TRIQK: variants seen among roughly 807,000 people sequenced by gnomAD.
TRIQK encodes triple QxxK/R motif containing.
TRIQK carries 10 observed loss-of-function variants against 10.8 expected under a neutral mutation model. The observed-to-expected ratio is 0.92, with a 90% confidence interval of 0.57 to 1.57. TRIQK has a LOEUF of 1.57. Among genes scored for constraint, TRIQK ranks in the 40% most tolerant of loss-of-function variants. The pLI is 0.00. For synonymous variants in TRIQK, 33 were observed against 33.7 expected (o/e 0.98, Z 0.07); for missense variants, 107 against 97.7 (o/e 1.09, Z -0.40).
chr8:92,926,897 C>T (rs758234380), intron 2 of TRIQK, among the ~76,000 whole-genome samples: 3 of 151,980 alleles, frequency 2.0e-5, no homozygotes, highest in Admixed American at 1.3e-4. Flanking sequence ...CTAAAGAAAA[C>T]AGGATTAACT....
At chr8:92,932,130 C>A (rs550789984) in intron 2 of TRIQK, among the ~76,000 whole-genome samples, 3 of 152,056 alleles carry the variant, frequency 2.0e-5, no homozygotes, top group Non-Finnish European at 4.4e-5. Context: ...TTCTTCTTTA[C>A]CTCTTTCATT....
At chr8:92,906,538 A>G (rs919774090) in intron 3 of TRIQK, among the ~76,000 whole-genome samples, 1 of 152,116 alleles carries the variant, frequency 6.6e-6, no homozygotes, top group Non-Finnish European at 1.5e-5. Context: ...AGAACTGAGA[A>G]TGATAGCCTG....
intron 3 of TRIQK, among the ~76,000 whole-genome samples, chr8:92,911,993 ATAG>A (rs1186371488): frequency 4.0e-5 from 6 of 150,950 alleles, no homozygotes; most frequent in African/African-American, 1.5e-4. Flanking sequence ...CAATACCATA[ATAG>A]TAGTCAAAAA....
intron 1 of TRIQK, among the ~76,000 whole-genome samples, chr8:92,998,993 A>G (rs1172024339): frequency 6.6e-6 from 1 of 152,138 alleles, no homozygotes; most frequent in Non-Finnish European, 1.5e-5. Flanking sequence ...TAGGACTATC[A>G]GATTCTAAGT....
At chr8:92,917,913 A>T (rs1809955477) in intron 2 of TRIQK, among the ~76,000 whole-genome samples, 1 of 151,930 alleles carries the variant, frequency 6.6e-6, no homozygotes. Flanking sequence ...GGTAGCCATT[A>T]TTCTACTCTC....
At chr8:92,906,901 A>C (rs1809296094) in intron 3 of TRIQK, among the ~76,000 whole-genome samples, 1 of 151,700 alleles carries the variant, frequency 6.6e-6, no homozygotes, top group Non-Finnish European at 1.5e-5. Context: ...TCAAAAAGAA[A>C]AAAAAAAAAA....
chr8:92,990,353 T>C (rs1813083884), intron 1 of TRIQK, among the ~76,000 whole-genome samples: 2 of 152,216 alleles, frequency 1.3e-5, no homozygotes, highest in East Asian at 1.9e-4. Flanking sequence ...CCTTTTTCAT[T>C]TCCTGTGTTT....
intron 4 of TRIQK, among the ~76,000 whole-genome samples, chr8:92,890,485 TAA>T (rs1816705571): frequency 6.6e-6 from 1 of 151,782 alleles, no homozygotes; most frequent in African/African-American, 2.4e-5. Context: ...ACAGTGTTTT[TAA>T]AAAGACACTA....
chr8:92,912,485 AC>A (rs1411615050), intron 3 of TRIQK, among the ~76,000 whole-genome samples: 2 of 151,936 alleles, frequency 1.3e-5, no homozygotes, highest in African/African-American at 4.8e-5. Flanking sequence ...ATCTCAAATA[AC>A]CTAACTTTAT....
intron 3 of TRIQK, among the ~76,000 whole-genome samples, chr8:92,896,439 G>T (rs1044473219): frequency 6.6e-6 from 1 of 152,170 alleles, no homozygotes; most frequent in Non-Finnish European, 1.5e-5. Context: ...CCTGACTAGG[G>T]CAATGCCTAG....
chr8:92,997,165 T>C (rs896816786), intron 1 of TRIQK, among the ~76,000 whole-genome samples: 4 of 151,988 alleles, frequency 2.6e-5, no homozygotes, highest in African/African-American at 9.7e-5. Flanking sequence ...GAATTAATGA[T>C]TGGGTAGAGA....
At chr8:93,007,916 T>G (rs911996165) in intron 1 of TRIQK, among the ~76,000 whole-genome samples, 15 of 152,084 alleles carry the variant, frequency 9.9e-5, no homozygotes, top group African/African-American at 2.9e-4. Flanking sequence ...ATAGACTGGA[T>G]AAAGAAAGTG....
chr8:92,950,594 T>C (rs916306254), intron 2 of TRIQK, among the ~76,000 whole-genome samples: 3 of 152,158 alleles, frequency 2.0e-5, no homozygotes, highest in African/African-American at 7.2e-5. Flanking sequence ...ATCCACTACA[T>C]GCATTGTGCA....
intron 1 of TRIQK, among the ~76,000 whole-genome samples, chr8:93,002,589 A>T (rs934360297): frequency 6.6e-6 from 1 of 152,196 alleles, no homozygotes. Context: ...ACCAATAATG[A>T]ATGAAGAAAT....
intron 1 of TRIQK, among the ~76,000 whole-genome samples, chr8:92,961,781 T>C (rs1812469285): frequency 6.6e-6 from 1 of 152,214 alleles, no homozygotes; most frequent in Non-Finnish European, 1.5e-5. Flanking sequence ...TTTTAAATTG[T>C]TCAATACAAT....
rs1012382940 is a variant in TRIQK at position 92,886,446 on chromosome 8, T to C, written c.*176A>G. ...ATCCAGTAGCACATACTATACTGCA[T>C]TGCTAGGTAAGGTTCTTTTCCTGAC... On this transcript the variant is annotated 3_prime_UTR_variant, in exon 5 of 5. Coordinates refer to ENST00000521988, the MANE Select transcript of TRIQK (RefSeq NM_001171797.2). 2.0e-6 allele frequency: 1 copy of C among 507,352 alleles called. No homozygotes were observed. The allele number at this position is 507,352 out of a possible 1,614,324, so 31.4% of individuals were successfully genotyped here.
At chr8:92,890,855 A>G (rs1050129369) in intron 4 of TRIQK, among the ~76,000 whole-genome samples, 7 of 151,978 alleles carry the variant, frequency 4.6e-5, no homozygotes, top group Non-Finnish European at 2.9e-5. Flanking sequence ...AGCCAAATGT[A>G]AAATTTAAAA....
chr8:93,016,963 G>A (rs76884940), intron 1 of TRIQK, among the ~76,000 whole-genome samples: 2,466 of 152,182 alleles, frequency 0.016, 68 homozygotes, highest in African/African-American at 0.055. Context: ...ATATTAGTAT[G>A]GATAGAACTT....
chr8:92,981,886 TTAAC>T (rs2130744250), intron 1 of TRIQK, among the ~76,000 whole-genome samples: 1 of 151,942 alleles, frequency 6.6e-6, no homozygotes, highest in South Asian at 2.1e-4. Context: ...TAAAAATATT[TTAAC>T]TATCAACTCC....
Sources: gnomAD v4.1 joint callset for allele counts (sites outside exome capture counted in the v4.1 genomes callset) on GRCh38, gnomAD v4.1.1 for gene constraint, MANE v1.5 for transcripts, NCBI Gene and HGNC (gene_info 2026-07-23, HGNC 2026-07-21) for gene names.